Variants in ZCCHC7 observed in about 807,000 individuals in gnomAD.
ZCCHC7 encodes the protein zinc finger CCHC-type containing 7, also known as zinc finger CCHC domain-containing protein 7.
Under a neutral mutation model 52.0 loss-of-function variants are expected in ZCCHC7, and 35 were observed. The observed-to-expected ratio is 0.67, with a 90% CI of 0.51 to 0.89. The LOEUF (loss-of-function observed/expected upper bound fraction) is 0.89, where lower values mean the gene tolerates loss of function less well. Ranked by LOEUF, ZCCHC7 falls within the 40% of genes least tolerant of loss-of-function variation. ZCCHC7 has a pLI of 0.00. For synonymous variants in ZCCHC7, 217 were observed against 221.5 expected, an observed-to-expected ratio of 0.98 and a Z score of 0.18; for missense variants, 574 against 649.1, an observed-to-expected ratio of 0.88 and a Z score of 1.26.
intron 2 of ZCCHC7, among the ~76,000 whole-genome samples, chr9:37,250,897 C>G (rs1371234064): frequency 6.6e-6 from 1 of 152,112 alleles, no homozygotes; most frequent in Non-Finnish European, 1.5e-5. Context: ...TAATTTTGAT[C>G]AGCTGACCTA....
At chr9:37,244,792 A>G (rs141909686) in intron 2 of ZCCHC7, among the ~76,000 whole-genome samples, 155 of 152,060 alleles carry the variant, frequency 1.0e-3, no homozygotes, top group Middle Eastern at 3.4e-3. Context: ...ACTGTGGAAT[A>G]GAATCCAGTG....
intron 2 of ZCCHC7, among the ~76,000 whole-genome samples, chr9:37,225,587 T>C (rs1235627052): frequency 6.6e-6 from 1 of 152,278 alleles, no homozygotes; most frequent in East Asian, 1.9e-4. Flanking sequence ...AAGATTAATA[T>C]GTCATGATCA....
intron 2 of ZCCHC7, among the ~76,000 whole-genome samples, chr9:37,201,335 T>C (rs1268501640): frequency 6.6e-6 from 1 of 152,214 alleles, no homozygotes; most frequent in Admixed American, 6.5e-5. Flanking sequence ...AAAAGTAATA[T>C]GTATATGTGC....
intron 2 of ZCCHC7, among the ~76,000 whole-genome samples, chr9:37,216,693 A>T (rs901556459): frequency 6.6e-6 from 1 of 152,166 alleles, no homozygotes; most frequent in Admixed American, 6.5e-5. Flanking sequence ...ATAAATAAAT[A>T]AATAAAAAGT....
At chr9:37,244,508 G>T (rs12554976) in intron 2 of ZCCHC7, among the ~76,000 whole-genome samples, 52,962 of 151,556 alleles carry the variant, frequency 0.35, 9,613 homozygotes, top group Middle Eastern at 0.42. Context: ...AACTCTTAAT[G>T]TTTTTAAATA....
At chr9:37,268,487 C>T (rs921233447) in intron 2 of ZCCHC7, among the ~76,000 whole-genome samples, 8 of 151,234 alleles carry the variant, frequency 5.3e-5, no homozygotes, top group African/African-American at 1.2e-4. Context: ...AGTGCAGTGG[C>T]GCGATCTGGG....
chr9:37,349,604 C>G (rs1049663043), intron 7 of ZCCHC7, 152 bp downstream of exon 7: 1 of 709,236 alleles, frequency 1.4e-6, no homozygotes, highest in African/African-American at 1.8e-5. Flanking sequence ...TACCCCTCCC[C>G]TCCCTGCTAG....
At chr9:37,127,641 C>G (rs1351260716) in intron 2 of ZCCHC7, among the ~76,000 whole-genome samples, 1 of 152,204 alleles carries the variant, frequency 6.6e-6, no homozygotes, top group African/African-American at 2.4e-5. Flanking sequence ...TGCTCAGTCT[C>G]TTGCACTAGT....
chr9:37,218,902 C>CTA (rs887907899), intron 2 of ZCCHC7, among the ~76,000 whole-genome samples: 3 of 149,858 alleles, frequency 2.0e-5, no homozygotes, highest in Non-Finnish European at 4.4e-5. Context: ...CTCTGTAACT[C>CTA]TGCAGTCTTT....
chr9:37,306,762 C>G (rs1279025790), intron 5 of ZCCHC7, among the ~76,000 whole-genome samples: 3 of 51,994 alleles, frequency 5.8e-5, no homozygotes, highest in Admixed American at 5.6e-4. Flanking sequence ...TGTACCCGAC[C>G]TTTTTTTTTT....
At chr9:37,290,497 A>G (rs1241122054) in intron 2 of ZCCHC7, among the ~76,000 whole-genome samples, 1 of 152,118 alleles carries the variant, frequency 6.6e-6, no homozygotes, top group Admixed American at 6.5e-5. Context: ...CTGTACAAAA[A>G]ATACTAAAGT....
At chr9:37,324,501 C>T (rs1242423348) in intron 5 of ZCCHC7, among the ~76,000 whole-genome samples, 3 of 152,198 alleles carry the variant, frequency 2.0e-5, no homozygotes, top group Admixed American at 1.3e-4. Context: ...AGCTCTTAAA[C>T]GATCTAGGTC....
intron 1 of ZCCHC7, among the ~76,000 whole-genome samples, chr9:37,122,119 C>G (rs1327359622): frequency 1.3e-5 from 2 of 152,128 alleles, no homozygotes; most frequent in East Asian, 1.9e-4. Flanking sequence ...GAAGGAACAT[C>G]TAGGGAGGCT....
intron 2 of ZCCHC7, among the ~76,000 whole-genome samples, chr9:37,152,791 A>C (rs1820602224): frequency 1.3e-5 from 2 of 152,174 alleles, no homozygotes; most frequent in Non-Finnish European, 2.9e-5. Context: ...CTGTGAAGGT[A>C]TTCTTTTTTC....
At chr9:37,134,943 C>T (rs1181308480) in intron 2 of ZCCHC7, among the ~76,000 whole-genome samples, 1 of 151,902 alleles carries the variant, frequency 6.6e-6, no homozygotes, top group Non-Finnish European at 1.5e-5. Context: ...GTCAGGCTGG[C>T]CTCAAACTCC....
At chr9:37,191,084 G>C (rs767613849) in intron 2 of ZCCHC7, among the ~76,000 whole-genome samples, 3 of 152,044 alleles carry the variant, frequency 2.0e-5, no homozygotes, top group African/African-American at 7.2e-5. Context: ...CCGTTTCAGG[G>C]TACACCTTTT....
chr9:37,292,464 A>C (rs1457309825), intron 2 of ZCCHC7, among the ~76,000 whole-genome samples: 1 of 152,212 alleles, frequency 6.6e-6, no homozygotes, highest in Non-Finnish European at 1.5e-5. Flanking sequence ...AAGAAGAAAA[A>C]TAATGTACTT....
chr9:37,263,477 C>T (rs1357630096), intron 2 of ZCCHC7, among the ~76,000 whole-genome samples: 3 of 151,992 alleles, frequency 2.0e-5, no homozygotes, highest in Admixed American at 2.0e-4. Context: ...CTTTTTATGA[C>T]ATGTTGTTTC....
intron 2 of ZCCHC7, among the ~76,000 whole-genome samples, chr9:37,287,328 A>T (rs569033602): frequency 6.6e-6 from 1 of 152,170 alleles, no homozygotes; most frequent in Admixed American, 6.5e-5. Context: ...GTACAAAAGT[A>T]TACAGTCAAC....
Sources: allele counts gnomAD v4.1 joint callset (sites outside exome capture counted in the v4.1 genomes callset), GRCh38; gene constraint gnomAD v4.1.1; transcripts MANE v1.5; gene names NCBI Gene and HGNC (gene_info 2026-07-23, HGNC 2026-07-21).